The following GPR158 variants were observed in gnomAD, a reference collection of about 807,000 sequenced individuals.
GPR158 encodes the protein metabotropic glycine receptor.
Under a neutral mutation model 78.2 loss-of-function variants are expected in GPR158, and 30 were observed. That is an observed-to-expected ratio of 0.38 (90% CI 0.29 to 0.52). GPR158 has a LOEUF of 0.52. Among genes scored for constraint, GPR158 ranks in the 20% least tolerant of loss-of-function variants. The probability of loss-of-function intolerance (pLI) is 0.83; values close to 1 mark genes in which losing one functional copy is unlikely to be tolerated. For synonymous variants in GPR158, 581 were observed against 591.1 expected (o/e 0.98, Z 0.25); for missense variants, 1,463 against 1,523.5 (o/e 0.96, Z 0.66).
At chr10:25,460,921 A>T (rs543172787) in intron 4 of GPR158, among the ~76,000 whole-genome samples, 16 of 152,162 alleles carry the variant, frequency 1.1e-4, no homozygotes, top group Non-Finnish European at 2.1e-4. Flanking sequence ...TTTTAGTATT[A>T]TCATATCTGT....
At chr10:25,547,305 C>T (rs576638597) in intron 5 of GPR158, among the ~76,000 whole-genome samples, 2 of 152,068 alleles carry the variant, frequency 1.3e-5, no homozygotes, top group South Asian at 4.1e-4. Flanking sequence ...ATGTATACTG[C>T]TCCTGGAATA....
rs1459962401 is a variant in GPR158, at chr10:25,297,399, T to A, written c.1008+76242T>A. Among the ~76,000 whole-genome samples the A allele has an allele frequency of 2.6e-5, 4 of 151,590 alleles. No individual in the cohort carries two copies. In the East Asian group the frequency reaches 7.7e-4, roughly 29 times the overall value. The stretch of plus-strand genomic sequence containing the variant: ...ATGAATCAATACATAAGCAAATGAG[T>A]GAATCAGGTGTGTAAGTATCATTTC... On this transcript the variant is annotated intron_variant, in intron 2 of 10. Transcript: ENST00000376351.
intron 2 of GPR158, among the ~76,000 whole-genome samples, chr10:25,273,539 C>T (rs1036098964): frequency 6.6e-6 from 1 of 151,868 alleles, no homozygotes; most frequent in African/African-American, 2.4e-5. Context: ...TTTGCACCTA[C>T]TACAACTAAT....
chr10:25,229,249 G>A (rs954232937), intron 2 of GPR158, among the ~76,000 whole-genome samples: 2 of 152,126 alleles, frequency 1.3e-5, no homozygotes, highest in Admixed American at 1.3e-4. Context: ...TGAGGAGGTG[G>A]CAGATTCATC....
At chr10:25,405,764 T>C (rs545778762) in intron 3 of GPR158, among the ~76,000 whole-genome samples, 2 of 152,144 alleles carry the variant, frequency 1.3e-5, no homozygotes, top group South Asian at 4.1e-4. Context: ...AACAAATTGA[T>C]TTAGATGTAG....
At chr10:25,203,502 A>G (rs1304645272) in intron 1 of GPR158, among the ~76,000 whole-genome samples, 1 of 151,788 alleles carries the variant, frequency 6.6e-6, no homozygotes, top group East Asian at 1.9e-4. Flanking sequence ...ACCATTTATT[A>G]AATAGGGACT....
chr10:25,525,501 T>C (rs1836335418), intron 5 of GPR158, among the ~76,000 whole-genome samples: 1 of 152,210 alleles, frequency 6.6e-6, no homozygotes, highest in South Asian at 2.1e-4. Context: ...CATTGTATGG[T>C]ACTCTACATT....
intron 5 of GPR158, among the ~76,000 whole-genome samples, chr10:25,504,173 G>A (rs1332594528): frequency 6.6e-6 from 1 of 152,126 alleles, no homozygotes; most frequent in African/African-American, 2.4e-5. Flanking sequence ...TTACAGGCAT[G>A]AGCCACCACA....
At chr10:25,286,022 TG>T (rs1854346929) in intron 2 of GPR158, among the ~76,000 whole-genome samples, 2 of 152,234 alleles carry the variant, frequency 1.3e-5, no homozygotes, top group African/African-American at 4.8e-5. Flanking sequence ...TTTCTGTCTA[TG>T]TAATATTTCC....
intron 4 of GPR158, among the ~76,000 whole-genome samples, chr10:25,438,681 A>G (rs1835029746): frequency 6.6e-6 from 1 of 152,226 alleles, no homozygotes; most frequent in Admixed American, 6.5e-5. Context: ...CTCCAAATTT[A>G]ATGAAAGGAG....
rs115763091 is a variant in GPR158 at position 25,399,589 on chromosome 10, T to G, written c.1111+3576T>G. On this transcript the variant is annotated intron_variant, in intron 3 of 10. Transcript: ENST00000376351. ...AACCAGTCTCTGGTGCCAAAAAGGTTGGGGACCACTGCAGTAAAGTACTCT... is the reference window on the plus strand; with the variant it reads ...AACCAGTCTCTGGTGCCAAAAAGGTGGGGGACCACTGCAGTAAAGTACTCT... Among the ~76,000 whole-genome samples the G allele has an allele frequency of 5.4e-3, 823 of 152,242 alleles. 10 individuals carry two copies. The highest frequency in any genetic ancestry group is 0.019 in the African/African-American group (795 of 41,554).
chr10:25,192,149 T>C (rs552812300), intron 1 of GPR158, among the ~76,000 whole-genome samples: 1 of 152,262 alleles, frequency 6.6e-6, no homozygotes, highest in African/African-American at 2.4e-5. Context: ...TCCCCTGAGC[T>C]GTTCTCATGA....
At chr10:25,430,553 A>G (rs1334874176) in intron 4 of GPR158, among the ~76,000 whole-genome samples, 3 of 150,866 alleles carry the variant, frequency 2.0e-5, no homozygotes, top group African/African-American at 7.4e-5. Context: ...TGCATCGCCA[A>G]GTCAATCCTA....
intron 1 of GPR158, among the ~76,000 whole-genome samples, chr10:25,218,385 C>G (rs1051567035): frequency 5.3e-5 from 8 of 152,162 alleles, no homozygotes; most frequent in Admixed American, 6.5e-5. Flanking sequence ...GTCAGTTGAG[C>G]TGCCTTTTTC....
chr10:25,330,111 C>T (rs1332784429), intron 2 of GPR158, among the ~76,000 whole-genome samples: 1 of 151,900 alleles, frequency 6.6e-6, no homozygotes, highest in Non-Finnish European at 1.5e-5. Flanking sequence ...TGCGCTACAC[C>T]CACTAACTCG....
chr10:25,540,793 G>C (rs911063162), intron 5 of GPR158, among the ~76,000 whole-genome samples: 2 of 151,820 alleles, frequency 1.3e-5, no homozygotes, highest in African/African-American at 4.8e-5. Flanking sequence ...GGCCTGTCGT[G>C]GGGTGGGGGG....
chr10:25,183,733 A>G (rs564939853), intron 1 of GPR158, among the ~76,000 whole-genome samples: 1 of 152,354 alleles, frequency 6.6e-6, no homozygotes, highest in Admixed American at 6.5e-5. Flanking sequence ...CTTAAAAGGA[A>G]TCTTAGAGTT....
At chr10:25,365,160 A>T (rs1274577777) in intron 2 of GPR158, among the ~76,000 whole-genome samples, 2 of 151,828 alleles carry the variant, frequency 1.3e-5, no homozygotes, top group Admixed American at 6.6e-5. Context: ...CTGGAATAAC[A>T]AGATAAATTG....
chr10:25,466,262 G>A (rs558494663), intron 4 of GPR158: 12 of 162,340 alleles, frequency 7.4e-5, no homozygotes, highest in Admixed American at 1.2e-4. Context: ...AACCCTCGCC[G>A]CTGTGGTCCA....
Sources: allele counts gnomAD v4.1 joint callset (sites outside exome capture counted in the v4.1 genomes callset), GRCh38; gene constraint gnomAD v4.1.1; transcripts MANE v1.5; gene names NCBI Gene and HGNC (gene_info 2026-07-23, HGNC 2026-07-21).